The following PDE8B variants were observed in gnomAD, a reference collection of about 807,000 sequenced individuals.
The protein encoded by PDE8B is phosphodiesterase 8B.
PDE8B carries 26 observed loss-of-function variants against 101.3 expected under a neutral mutation model. The ratio of observed to expected loss-of-function variants is 0.26; its 90% CI spans 0.19 to 0.36. The LOEUF is 0.36. PDE8B is among the 10% of genes least tolerant of loss of function. The probability of loss-of-function intolerance (pLI) is 1.00; values close to 1 mark genes in which losing one functional copy is unlikely to be tolerated. For missense variants in PDE8B, 810 were observed against 1,163.1 expected, an observed-to-expected ratio of 0.70 and a Z score of 4.42; for synonymous variants, 424 against 429.3, an observed-to-expected ratio of 0.99 and a Z score of 0.15.
At chr5:77,154,919 G>A in the PDE8B span, among the ~76,000 whole-genome samples, 4 of 152,148 alleles carry the variant, frequency 2.6e-5, no homozygotes, top group African/African-American at 7.2e-5. Context: ...GACTCTCAGC[G>A]GTGGCAGGGA....
chr5:77,284,787 A>G (rs1398478171), intron 1 of PDE8B, among the ~76,000 whole-genome samples: 2 of 152,174 alleles, frequency 1.3e-5, no homozygotes, highest in Non-Finnish European at 2.9e-5. Context: ...GAAATAATCC[A>G]TCTTATTGGG....
At chr5:77,197,701 C>CA in the PDE8B span, among the ~76,000 whole-genome samples, 111,357 of 151,574 alleles carry the variant, frequency 0.73, 42,093 homozygotes, top group East Asian at 0.96. Context: ...TTAATCTTTT[C>CA]AAAATCCAGC....
chr5:77,149,241 C>CT, the PDE8B span, among the ~76,000 whole-genome samples: 3 of 152,298 alleles, frequency 2.0e-5, no homozygotes, highest in Middle Eastern at 3.4e-3. Flanking sequence ...TATGTCTATG[C>CT]TTACATCAAT....
the PDE8B span, among the ~76,000 whole-genome samples, chr5:77,108,431 C>G: frequency 3.9e-5 from 6 of 152,274 alleles, no homozygotes; most frequent in South Asian, 8.3e-4. Context: ...TGCCCTTAAT[C>G]CCAGCTCTTT....
chr5:77,379,912 A>T (rs554609158), intron 10 of PDE8B, among the ~76,000 whole-genome samples: 2 of 152,194 alleles, frequency 1.3e-5, no homozygotes, highest in African/African-American at 4.8e-5. Context: ...CTGCGATCAC[A>T]TCTCTTTATC....
At chr5:77,115,138 G>T in the PDE8B span, 1 of 151,964 alleles carries the variant, frequency 6.6e-6, no homozygotes, top group Admixed American at 6.5e-5. Context: ...TAGTGATAAA[G>T]AGAAAGAGAG....
intron 1 of PDE8B, among the ~76,000 whole-genome samples, chr5:77,227,255 C>CTG (rs1195280455): frequency 5.9e-5 from 9 of 152,018 alleles, no homozygotes; most frequent in African/African-American, 2.2e-4. Flanking sequence ...CATAATGATC[C>CTG]TGTAGTGCTT....
chr5:77,389,280 T>C (rs1363816975), intron 10 of PDE8B, among the ~76,000 whole-genome samples: 1 of 152,108 alleles, frequency 6.6e-6, no homozygotes, highest in African/African-American at 2.4e-5. Context: ...AATGTACCAT[T>C]CCTCAGGGCA....
chr5:77,105,709 T>C, the PDE8B span: 1 of 152,238 alleles, frequency 6.6e-6, no homozygotes, highest in Non-Finnish European at 1.5e-5. Flanking sequence ...TATTTAAATT[T>C]ATGAGAAACT....
At chr5:77,167,279 G>T in the PDE8B span, among the ~76,000 whole-genome samples, 1 of 152,164 alleles carries the variant, frequency 6.6e-6, no homozygotes, top group Non-Finnish European at 1.5e-5. Context: ...GAAGTCAGAT[G>T]CCCCTTAATG....
At chr5:77,304,095 A>G (rs919854620) in intron 1 of PDE8B, among the ~76,000 whole-genome samples, 6 of 152,208 alleles carry the variant, frequency 3.9e-5, no homozygotes, top group Non-Finnish European at 7.3e-5. Flanking sequence ...CGTCTTCACT[A>G]GATATCCCCA....
the PDE8B span, among the ~76,000 whole-genome samples, chr5:77,116,225 T>TATA: frequency 8.9e-5 from 2 of 22,572 alleles, no homozygotes; most frequent in Admixed American, 3.6e-4. Context: ...TATATATATA[T>TATA]TTTTTTTTTT....
chr5:77,254,027 G>T (rs914567766), intron 1 of PDE8B, among the ~76,000 whole-genome samples: 8 of 151,996 alleles, frequency 5.3e-5, no homozygotes, highest in Non-Finnish European at 1.2e-4. Flanking sequence ...TTACTAAAAA[G>T]TAATGCATTG....
At chr5:77,200,788 A>G in the PDE8B span, among the ~76,000 whole-genome samples, 1 of 152,156 alleles carries the variant, frequency 6.6e-6, no homozygotes, top group East Asian at 1.9e-4. Flanking sequence ...TACCCTGGAA[A>G]GCTCTCTCAC....
At chr5:77,139,361 A>C in the PDE8B span, 1 of 152,292 alleles carries the variant, frequency 6.6e-6, no homozygotes, top group Admixed American at 6.5e-5. Context: ...TCTCAGCTGA[A>C]CCAGGCCCAA....
intron 5 of PDE8B, among the ~76,000 whole-genome samples, chr5:77,336,436 C>G (rs1778215063): frequency 6.6e-6 from 1 of 152,182 alleles, no homozygotes; most frequent in Non-Finnish European, 1.5e-5. Flanking sequence ...CTGGCTCAAT[C>G]AATTGACCTA....
At position 77,413,210 on chromosome 5, in the gene PDE8B, C is replaced by T. The variant is rs373238717; in HGVS notation, c.1812C>T (p.Ile604=). The stretch of plus-strand genomic sequence containing the variant: ...CTCTTCGGGCCTGGTTCCAAGTGAT[C>T]GAAGCCAACTACCACTCTTCCAATG... ...ETTLRAWFQV[I]EANYHSSNAY... The change falls in exon 17 of 22, where the codon ATC becomes ATT. Residue 604 remains isoleucine, a synonymous_variant. Coordinates refer to ENST00000264917, the MANE Select transcript of PDE8B (RefSeq NM_003719.5). The T allele has an allele frequency of 6.8e-6, 11 of 1,613,790 alleles. No individual in the cohort carries two copies. The highest frequency in any genetic ancestry group is 1.3e-5 in the African/African-American group (1 of 74,862).
the PDE8B span, among the ~76,000 whole-genome samples, chr5:77,103,619 G>T: frequency 6.8e-4 from 104 of 152,302 alleles, no homozygotes; most frequent in South Asian, 3.3e-3. Context: ...TGTGTTCCAG[G>T]CCCAGGCACT....
chr5:77,254,887 G>A (rs115243470), intron 1 of PDE8B, among the ~76,000 whole-genome samples: 1,631 of 152,248 alleles, frequency 0.011, 28 homozygotes, highest in African/African-American at 0.037. Flanking sequence ...AGGGGAGTAC[G>A]GTTGTTTTAA....
Sources: allele counts gnomAD v4.1 joint callset (sites outside exome capture counted in the v4.1 genomes callset), GRCh38; gene constraint gnomAD v4.1.1; transcripts MANE v1.5; gene names NCBI Gene and HGNC (gene_info 2026-07-23, HGNC 2026-07-21).